The following ZNF671 variants were observed in gnomAD, a reference collection of about 807,000 sequenced individuals.
ZNF671 encodes the protein zinc finger protein 671.
ZNF671 carries 19 observed loss-of-function variants against 16.6 expected under a neutral mutation model. The ratio of observed to expected loss-of-function variants is 1.14; its 90% confidence interval spans 0.80 to 1.68. The LOEUF (loss-of-function observed/expected upper bound fraction) is 1.68, where lower values mean the gene tolerates loss of function less well. ZNF671 is among the 40% of genes most tolerant of loss of function. The pLI, the probability that ZNF671 is intolerant of heterozygous loss-of-function variation, is 0.00. For missense variants in ZNF671, 637 were observed against 659.8 expected (o/e 0.97, Z 0.38); for synonymous variants, 238 against 236.3 (o/e 1.01, Z -0.06).
rs771552162 is a variant in ZNF671, at chr19:57,727,413, G to A, written c.116C>T (p.Ala39Val). 6.2e-7 allele frequency: 1 copy of A among 1,609,696 alleles called. No homozygotes were observed. The highest frequency in any genetic ancestry group is 8.5e-7 in the Non-Finnish European group (1 of 1,177,200). ...CACCCGCGCGGAGTCCGTTAGCTCC[G>A]CCATAGGACCGTGGGCGCGGACAGC... ...PAAVRAHGPM[A>V]ELTDSARGCV... Residue 39 changes from alanine to valine, a missense_variant, in exon 1 of 4, where the codon GCG becomes GTG. Coordinates refer to ENST00000317398, the MANE Select transcript of ZNF671 (RefSeq NM_024833.3).
At chr19:57,722,189 A>C in intron 3 of ZNF671, 127 bp downstream of exon 3, 1 of 1,435,514 alleles carries the variant, frequency 7.0e-7, no homozygotes, top group Non-Finnish European at 9.4e-7. Flanking sequence ...TCGTGTCAAG[A>C]ACAGGAAAGG....
At chr19:57,724,171 T>A (rs144136155) in intron 1 of ZNF671, among the ~76,000 whole-genome samples, 24 of 152,302 alleles carry the variant, frequency 1.6e-4, no homozygotes, top group African/African-American at 5.8e-4. Context: ...TGTTCCTTTT[T>A]TCAATCACAG....
chr19:57,720,535 G>A lies in ZNF671; in HGVS notation c.1551C>T (p.Ile517=). The change falls in exon 4 of 4, where the codon ATC becomes ATT. Residue 517 remains isoleucine (I), a synonymous_variant. Transcript: ENST00000317398. The part of the protein sequence containing the change: ...YVCSECGREF[I]RKQTLVLHQR... Reference sequence around the variant, plus strand: ...GGTGCAGAACAAGTGTCTGTTTCCGGATGAATTCTCTCCCGCACTCACTAC... The same window carrying A: ...GGTGCAGAACAAGTGTCTGTTTCCGAATGAATTCTCTCCCGCACTCACTAC... The A allele has an allele frequency of 6.2e-7, 1 of 1,614,124 alleles. No homozygotes were observed. Among genetic ancestry groups the A allele is most frequent in the Non-Finnish European group, 8.5e-7 (1 of 1,180,034 alleles).
intron 3 of ZNF671, chr19:57,721,930 TTCCA>T: frequency 1.6e-6 from 1 of 616,826 alleles, no homozygotes. Flanking sequence ...AACAAATGGC[TTCCA>T]GTAGGGCCTT....
In ZNF671 at chr19:57,721,650, T is replaced by C; in HGVS notation, c.436A>G (p.Ile146Val). The C allele has an allele frequency of 6.2e-7, 1 of 1,614,176 alleles. No individual in the cohort carries two copies. The highest frequency in any genetic ancestry group is 8.5e-7 in the Non-Finnish European group (1 of 1,180,024). Reference sequence around the variant, plus strand: ...ACCTCTGACACTCCTGCTACAAAAATGCTCTGCTCAGAAGATACCTCTTCA... The same window carrying C: ...ACCTCTGACACTCCTGCTACAAAAACGCTCTGCTCAGAAGATACCTCTTCA... ...EDEEVSSEQSIFVAGVSEVRT... is the reference protein window; with the variant it reads ...EDEEVSSEQSVFVAGVSEVRT... Residue 146 changes from isoleucine to valine, a missense_variant, in exon 4 of 4, where the codon ATT (isoleucine) becomes GTT (valine). Transcript: ENST00000317398.
rs1459791238 is a variant in ZNF671 at position 57,722,443 on chromosome 19, G to A, written c.266-5C>T. On this transcript the variant is annotated splice_region_variant and splice_polypyrimidine_tract_variant and intron_variant, in intron 2 of 3. Coordinates refer to ENST00000317398, the MANE Select transcript of ZNF671 (RefSeq NM_024833.3). ...GTGATCTGGAAAATGCAATTCCTAA[G>A]GGAAAGTCAGAACAGGTGAGCAGCC... 3.7e-6 allele frequency: 6 copies of A among 1,613,200 alleles called. No individual in the cohort carries two copies. The highest frequency in any genetic ancestry group is 3.3e-4 in the Middle Eastern group (2 of 6,060).
chr19:57,722,585 A>T, intron 2 of ZNF671, 147 bp from the exon 3 acceptor site: 1 of 1,285,824 alleles, frequency 7.8e-7, no homozygotes, highest in Non-Finnish European at 1.1e-6. Flanking sequence ...AGTGCCTATA[A>T]CTCCTGACAA....
chr19:57,721,007 C>G lies in ZNF671; in HGVS notation c.1079G>C (p.Arg360Thr). ...GAGTCTTTCACCCGTGTGAACTCGC[C>G]TGTGCTCAATCAGGCCGGAGATTTG... ...FRQISGLIEH[R>T]RVHTGERLYQ... Residue 360 changes from arginine to threonine, a missense_variant, in exon 4 of 4, where the codon AGG (arginine) becomes ACG (threonine). Coordinates refer to ENST00000317398, the MANE Select transcript of ZNF671 (RefSeq NM_024833.3). The G allele has an allele frequency of 6.2e-7, 1 of 1,614,176 alleles. No homozygotes were observed. Among genetic ancestry groups the G allele is most frequent in the Non-Finnish European group, 8.5e-7 (1 of 1,180,028 alleles).
chr19:57,722,211 C>T lies in ZNF671; in HGVS notation c.388+105G>A, dbSNP rs369170097. 9.6e-5 allele frequency: 145 copies of T among 1,513,974 alleles called. 1 individual carries two copies. Among genetic ancestry groups the T allele is most frequent in the African/African-American group, 6.9e-4 (50 of 72,192 alleles). The allele number at this position is 1,513,974 out of a possible 1,614,324, so 93.8% of individuals were successfully genotyped here. The stretch of plus-strand genomic sequence containing the variant: ...AAGAACAGGAAAGGACAGATAGAAA[C>T]GCTGTGTGGCCACTGGCCCTGGAAA... On this transcript the variant is annotated intron_variant, in intron 3 of 3. Transcript: ENST00000317398.
chr19:57,721,357 A>G lies in ZNF671; in HGVS notation c.729T>C (p.Cys243=), dbSNP rs370723067. The G allele has an allele frequency of 9.3e-6, 15 of 1,612,308 alleles. No homozygotes were observed. In the African/African-American group the frequency reaches 2.0e-4, roughly 22 times the overall value. Residue 243 remains cysteine, a synonymous_variant, in exon 4 of 4, where the codon TGT becomes TGC. Coordinates refer to ENST00000317398, the MANE Select transcript of ZNF671 (RefSeq NM_024833.3). ...RVHVPEKTLT[C]GKGRRDFSAT... ...CTGAAAAGTCTCTCCTACCTTTCCCACATGTGAGGGTCTTCTCTGGCACAT... is the reference window on the plus strand; with the variant it reads ...CTGAAAAGTCTCTCCTACCTTTCCCGCATGTGAGGGTCTTCTCTGGCACAT...
Position 57,727,607 on chromosome 19 carries a change from A to G in ZNF671, c.-79T>C. The G allele has an allele frequency of 2.0e-6, 3 of 1,531,726 alleles. No homozygotes were observed. Among genetic ancestry groups the G allele is most frequent in the South Asian group, 2.5e-5 (2 of 80,198 alleles). The allele number at this position is 1,531,726 out of a possible 1,614,324, so 94.9% of individuals were successfully genotyped here. A position where few individuals can be genotyped will look rare whatever the true frequency, so the allele number is the denominator to read the frequency against. On this transcript the variant is annotated 5_prime_UTR_variant, in exon 1 of 4. Transcript: ENST00000317398. Reference sequence around the variant, plus strand: ...ACCCCGGCCAGGGACAGCCTGACAGAAACAAAATGTCCGCTACAAGGAGGA... The same window carrying G: ...ACCCCGGCCAGGGACAGCCTGACAGGAACAAAATGTCCGCTACAAGGAGGA...
Position 57,727,574 on chromosome 19 carries a change from G to C in ZNF671, c.-46C>G. The C allele has an allele frequency of 1.9e-6, 3 of 1,566,920 alleles. No individual in the cohort carries two copies. The highest frequency in any genetic ancestry group is 1.8e-5 in the Admixed American group (1 of 56,002). Reference sequence around the variant, plus strand: ...ACCTCCACCTGCGGCCCACACAAGCGTTACAGAACCCCGGCCAGGGACAGC... The same window carrying C: ...ACCTCCACCTGCGGCCCACACAAGCCTTACAGAACCCCGGCCAGGGACAGC... On this transcript the variant is annotated 5_prime_UTR_variant, in exon 1 of 4. Coordinates refer to ENST00000317398, the MANE Select transcript of ZNF671 (RefSeq NM_024833.3).
chr19:57,727,370 C>T (rs113673759), intron 1 of ZNF671, 21 bp downstream of exon 1: 30 of 1,582,094 alleles, frequency 1.9e-5, no homozygotes, highest in Middle Eastern at 1.8e-4. Flanking sequence ...TGACTGAGGG[C>T]CCGGAGGACG....
In ZNF671 at chr19:57,720,846, G is replaced by A; in HGVS notation, c.1240C>T (p.Leu414=). The change falls in exon 4 of 4, where the codon CTG becomes TTG. Residue 414 remains leucine, a synonymous_variant. Transcript: ENST00000317398. ...KEFSRKHTLV[L]HQRTHTGERP... is the part of the protein sequence containing the mutation. The stretch of plus-strand genomic sequence containing the variant: ...TCTCCAGTGTGAGTTCGTTGGTGCA[G>A]AACAAGTGTGTGTTTCCGACTGAAC... 1 of 1,613,846 alleles carries A rather than the reference G, an allele frequency of 6.2e-7. No individual in the cohort carries two copies. The highest frequency in any genetic ancestry group is 8.5e-7 in the Non-Finnish European group (1 of 1,179,964).
At chr19:57,723,513 G>A (rs1341588665) in intron 1 of ZNF671, among the ~76,000 whole-genome samples, 173 bp from the exon 2 acceptor site, 2 of 152,038 alleles carry the variant, frequency 1.3e-5, no homozygotes, top group Non-Finnish European at 2.9e-5. Flanking sequence ...CACTGTGTCA[G>A]CCCACCACAA....
chr19:57,722,998 A>C (rs574830842), intron 2 of ZNF671, among the ~76,000 whole-genome samples: 83 of 152,236 alleles, frequency 5.5e-4, no homozygotes, highest in African/African-American at 1.9e-3. Context: ...AAGCGAACAG[A>C]CCTAGTGAGA....
chr19:57,723,844 C>A (rs1985957425), intron 1 of ZNF671, among the ~76,000 whole-genome samples: 1 of 136,842 alleles, frequency 7.3e-6, no homozygotes, highest in Admixed American at 7.7e-5. Flanking sequence ...TCCTGGCCAA[C>A]ATGGTGAAAC....
rs1262306209 is a variant in ZNF671 at position 57,727,062 on chromosome 19, G to A, written c.138+329C>T. Reference sequence around the variant, plus strand: ...TCGAGACACTTAAAATCCCAGCTAAGATCACGTCCTTCTATTCAAAACCCT... The same window carrying A: ...TCGAGACACTTAAAATCCCAGCTAAAATCACGTCCTTCTATTCAAAACCCT... On this transcript the variant is annotated intron_variant, in intron 1 of 3. Coordinates refer to ENST00000317398, the MANE Select transcript of ZNF671 (RefSeq NM_024833.3). The A allele has an allele frequency of 2.4e-5, 6 of 252,146 alleles. No individual in the cohort carries two copies. The South Asian group carries it at 7.2e-4, about 30-fold the overall frequency. 15.6% of individuals were successfully genotyped at this position (252,146 alleles called of 1,614,324 possible). A position where few individuals can be genotyped will look rare whatever the true frequency, so the allele number is the denominator to read the frequency against.
chr19:57,723,294 T>C lies in ZNF671; in HGVS notation c.185A>G (p.Glu62Gly), dbSNP rs1373247457. The change falls in exon 2 of 4, where the codon GAA becomes GGA. Residue 62 changes from glutamate to glycine, a missense_variant. Glu to Gly is a moderately conservative substitution (Grantham distance 98, BLOSUM62 -2). Coordinates refer to ENST00000317398, the MANE Select transcript of ZNF671 (RefSeq NM_024833.3). ...CTGAGCATCATCAAGAAGCTCCCATTCTTCCCGAGAGAAGTATACAAACAC... is the reference window on the plus strand; with the variant it reads ...CTGAGCATCATCAAGAAGCTCCCATCCTTCCCGAGAGAAGTATACAAACAC... ...EDVFVYFSRE[E>G]WELLDDAQRL... is the part of the protein sequence containing the mutation. 1.2e-6 allele frequency: 2 copies of C among 1,613,678 alleles called. No homozygotes were observed. The highest frequency in any genetic ancestry group is 2.2e-5 in the East Asian group (1 of 44,868).
Sources: allele counts gnomAD v4.1 joint callset (sites outside exome capture counted in the v4.1 genomes callset), GRCh38; gene constraint gnomAD v4.1.1; transcripts MANE v1.5; gene names NCBI Gene and HGNC (gene_info 2026-07-23, HGNC 2026-07-21).